NFILZ: variants seen among roughly 807,000 people sequenced by gnomAD.
NFILZ encodes NFIL3 like basic leucine zipper, also known as NFIL3 like protein.
chr19:8,637,912 C>CAAAAAAAAAAAAAAAAAAAAAA (rs35778716), intron 3 of NFILZ, among the ~76,000 whole-genome samples: 2 of 20,266 alleles, frequency 9.9e-5, no homozygotes, highest in East Asian at 1.6e-3. Context: ...AAGATGGTCT[C>CAAAAAAAAAAAAAAAAAAAAAA]AAAAAAAAAA....
intron 3 of NFILZ, among the ~76,000 whole-genome samples, chr19:8,659,247 CAAA>C (rs782154680): frequency 2.1e-5 from 3 of 141,542 alleles, no homozygotes; most frequent in Non-Finnish European, 3.1e-5. Context: ...GACTCCATCT[CAAA>C]AAAAAAAAAT....
At position 8,645,565 on chromosome 19, in the gene NFILZ, C is replaced by T. The variant is rs548694478; in HGVS notation, c.-164+9819C>T. On this transcript the variant is annotated intron_variant, in intron 3 of 5. Transcript: ENST00000691075. Reference sequence around the variant, plus strand: ...GGCTCAGGAGTGAGTGTGTAACACACCCAGAGCCAATGAGAGGCAAGGACA... The same window carrying T: ...GGCTCAGGAGTGAGTGTGTAACACATCCAGAGCCAATGAGAGGCAAGGACA... Among the ~76,000 whole-genome samples the T allele has an allele frequency of 3.9e-5, 6 of 152,258 alleles. No homozygotes were observed. The South Asian group carries it at 6.2e-4, about 16-fold the overall frequency.
chr19:8,647,778 TGCGCGCGCGC>T lies in NFILZ; in HGVS notation c.-164+12041_-164+12050del, dbSNP rs147345694. On this transcript the variant is annotated intron_variant, in intron 3 of 5. Transcript: ENST00000691075. The stretch of plus-strand genomic sequence containing the variant: ...ACACACACACACACACACGCACACA[TGCGCGCGCGC>T]GCGCGCGCACACACACACACACACA... 1.4e-4 allele frequency among the ~76,000 whole-genome samples: 15 copies of T among 106,658 alleles called. No individual in the cohort carries two copies. In the South Asian group the frequency reaches 2.3e-3, roughly 16 times the overall value. 70.0% of individuals were successfully genotyped at this position (106,658 alleles called of 152,430 possible). A position where few individuals can be genotyped will look rare whatever the true frequency, so the allele number is the denominator to read the frequency against.
chr19:8,680,332 TTA>T lies in NFILZ; in HGVS notation c.*2698_*2699del, dbSNP rs1401423694. Among the ~76,000 whole-genome samples, 3,899 of 152,284 alleles carry T rather than the reference TTA, an allele frequency of 0.026. 172 individuals are homozygous for T. Among genetic ancestry groups the T allele is most frequent in the African/African-American group, 0.088 (3,667 of 41,546 alleles). ...ATTCATTCATTCATTCATTCATTTT[TTA>T]ATTCATTTGCTTATTTAGCAAATTT... On this transcript the variant is annotated 3_prime_UTR_variant, in exon 6 of 6. Transcript: ENST00000691075.
intron 3 of NFILZ, among the ~76,000 whole-genome samples, chr19:8,646,135 C>G (rs1327047628): frequency 6.6e-6 from 1 of 151,934 alleles, no homozygotes; most frequent in African/African-American, 2.4e-5. Flanking sequence ...CTCCTGGGTT[C>G]AAGTGATTCT....
rs782201553 is a variant in NFILZ at position 8,633,877 on chromosome 19, C to CCCTTCCTTCCTTCCTT, written c.-261+1307_-261+1322dup. Among the ~76,000 whole-genome samples the CCCTTCCTTCCTTCCTT allele has an allele frequency of 4.9e-3, 418 of 84,506 alleles. 5 individuals are homozygous for CCCTTCCTTCCTTCCTT. The highest frequency in any genetic ancestry group is 6.1e-3 in the Non-Finnish European group (248 of 40,808). 55.4% of individuals were successfully genotyped at this position (84,506 alleles called of 152,430 possible). On this transcript the variant is annotated intron_variant, in intron 2 of 5. Transcript: ENST00000691075. ...CAGTTATCATTAGTATAACTTTTCTCCCTTCCTTCCTTCCTTCCTTCCTTC... is the reference window on the plus strand; with the variant it reads ...CAGTTATCATTAGTATAACTTTTCTCCCTTCCTTCCTTCCTTCCTTCCTTCCTTCCTTCCTTCCTTC...
chr19:8,677,081 G>T lies in NFILZ; in HGVS notation c.316G>T (p.Ala106Ser), dbSNP rs2043113762. Reference sequence around the variant, plus strand: ...CCTGCCCCTGACTGGTGGGCCCCGGGCCTTGCCCCTGCAGGCTCTGCTATT... The same window carrying T: ...CCTGCCCCTGACTGGTGGGCCCCGGTCCTTGCCCCTGCAGGCTCTGCTATT... ...GLLPLTGGPR[A>S]LPLQALLLEA... Residue 106 changes from alanine (A) to serine (S), a missense_variant, in exon 6 of 6, where the codon GCC becomes TCC. By Grantham distance (99) the Ala-to-Ser change is moderately conservative. Coordinates refer to ENST00000691075, the MANE Select transcript of NFILZ (RefSeq NM_001378600.1). 6.5e-6 allele frequency: 1 copy of T among 152,828 alleles called. No homozygotes were observed. The highest frequency in any genetic ancestry group is 6.5e-5 in the Admixed American group (1 of 15,300). The allele number at this position is 152,828 out of a possible 1,614,324, so 9.5% of individuals were successfully genotyped here. A position where few individuals can be genotyped will look rare whatever the true frequency, so the allele number is the denominator to read the frequency against.
At position 8,678,607 on chromosome 19, in the gene NFILZ, G is replaced by T. The variant is rs2146178488; in HGVS notation, c.*972G>T. On this transcript the variant is annotated 3_prime_UTR_variant, in exon 6 of 6. Coordinates refer to ENST00000691075, the MANE Select transcript of NFILZ (RefSeq NM_001378600.1). ...TCCATCCATCCTGTCTTCCTTCCTT[G>T]CATCCACTCATCCTCATCCATTTAC... 1.4e-5 allele frequency among the ~76,000 whole-genome samples: 2 copies of T among 147,878 alleles called. 1 individual carries two copies. The highest frequency in any genetic ancestry group is 1.3e-4 in the Admixed American group (2 of 14,902).
Position 8,679,269 on chromosome 19 carries a change from C to CATTATTATTATTATT in NFILZ, c.*1657_*1671dup, listed in dbSNP as rs55926423. Among the ~76,000 whole-genome samples the CATTATTATTATTATT allele has an allele frequency of 8.2e-5, 12 of 145,854 alleles. No homozygotes were observed. Among genetic ancestry groups the CATTATTATTATTATT allele is most frequent in the African/African-American group, 2.6e-4 (10 of 39,144 alleles). ...TCAGTTTCTCACTCAGCCCCTCTCC[C>CATTATTATTATTATT]ATTATTATTATTATTATTATTATTA... On this transcript the variant is annotated 3_prime_UTR_variant, in exon 6 of 6. Transcript: ENST00000691075.
intron 3 of NFILZ, among the ~76,000 whole-genome samples, chr19:8,660,514 G>A (rs4804322): frequency 0.73 from 110,779 of 151,144 alleles, 40,729 homozygotes; most frequent in South Asian, 0.79. Context: ...ATTGAATTGT[G>A]TATACATATC....
At chr19:8,636,968 G>A (rs1555746170) in intron 3 of NFILZ, among the ~76,000 whole-genome samples, 1 of 152,122 alleles carries the variant, frequency 6.6e-6, no homozygotes, top group Non-Finnish European at 1.5e-5. Flanking sequence ...GGATAGAGCT[G>A]GGGCCAAGGG....
At chr19:8,634,101 G>A (rs1297916565) in intron 2 of NFILZ, among the ~76,000 whole-genome samples, 2 of 151,666 alleles carry the variant, frequency 1.3e-5, no homozygotes, top group African/African-American at 4.8e-5. Flanking sequence ...AGGTTCAAGC[G>A]ATTCTCCTGC....
chr19:8,635,523 T>G (rs548902170), intron 2 of NFILZ, 127 bp from the exon 3 acceptor site: 1 of 152,120 alleles, frequency 6.6e-6, no homozygotes, highest in South Asian at 2.1e-4. Context: ...TGGCGCATAC[T>G]TCTTCCAGGC....
rs35972547 is a variant in NFILZ at position 8,642,170 on chromosome 19, C to CT, written c.-164+6439dup. ...TGGCTCTAATTTTTATCACCGTTCT[C>CT]TTTTTTTTTTTTTTTAAGTGTAGAC... On this transcript the variant is annotated intron_variant, in intron 3 of 5. Transcript: ENST00000691075. Among the ~76,000 whole-genome samples, 472 of 143,816 alleles carry CT rather than the reference C, an allele frequency of 3.3e-3. 4 individuals carry two copies. Among genetic ancestry groups the CT allele is most frequent in the African/African-American group, 9.4e-3 (367 of 38,944 alleles). 94.3% of individuals were successfully genotyped at this position (143,816 alleles called of 152,430 possible). A position where few individuals can be genotyped will look rare whatever the true frequency, so the allele number is the denominator to read the frequency against.
In NFILZ at chr19:8,678,151, G is replaced by GTACA. The variant is rs2043125246; in HGVS notation, c.*517_*518insACAT. ...CCTCCATCCATTCATCCACTTGTCCGTCCATCCATCCATCCATCCATCCAT... is the reference window on the plus strand; with the variant it reads ...CCTCCATCCATTCATCCACTTGTCCGTACATCCATCCATCCATCCATCCATCCAT... On this transcript the variant is annotated 3_prime_UTR_variant, in exon 6 of 6. Coordinates refer to ENST00000691075, the MANE Select transcript of NFILZ (RefSeq NM_001378600.1). Among the ~76,000 whole-genome samples the GTACA allele has an allele frequency of 2.0e-5, 1 of 48,970 alleles. No individual in the cohort carries two copies. Among genetic ancestry groups the GTACA allele is most frequent in the Non-Finnish European group, 3.7e-5 (1 of 26,740 alleles). 32.1% of individuals were successfully genotyped at this position (48,970 alleles called of 152,430 possible).
chr19:8,659,530 G>A (rs781906924), intron 3 of NFILZ, among the ~76,000 whole-genome samples: 8 of 152,118 alleles, frequency 5.3e-5, no homozygotes, highest in Non-Finnish European at 7.3e-5. Context: ...GTCAGGATAC[G>A]CTCCATCTGG....
At chr19:8,665,106 CAG>C (rs1395067873) in intron 3 of NFILZ, among the ~76,000 whole-genome samples, 1 of 152,114 alleles carries the variant, frequency 6.6e-6, no homozygotes, top group Non-Finnish European at 1.5e-5. Flanking sequence ...TGTGTGGACA[CAG>C]GGGCAGACCC....
At chr19:8,642,733 C>T (rs2042924082) in intron 3 of NFILZ, among the ~76,000 whole-genome samples, 1 of 152,080 alleles carries the variant, frequency 6.6e-6, no homozygotes, top group Admixed American at 6.6e-5. Flanking sequence ...GCAAGAACTT[C>T]CCCTTGTGTC....
intron 4 of NFILZ, among the ~76,000 whole-genome samples, chr19:8,675,511 C>G (rs1555750627): frequency 6.6e-6 from 1 of 152,128 alleles, no homozygotes. Context: ...TTTCTCTACC[C>G]CCAATTACCA....
Sources: allele counts gnomAD v4.1 joint callset (sites outside exome capture counted in the v4.1 genomes callset), GRCh38; gene constraint gnomAD v4.1.1; transcripts MANE v1.5; gene names NCBI Gene and HGNC (gene_info 2026-07-23, HGNC 2026-07-21).